The following GALNT6 variants were observed in gnomAD, a reference collection of about 807,000 sequenced individuals.
GALNT6 encodes the protein polypeptide N-acetylgalactosaminyltransferase 6, also known as GalNAc transferase 6.
In GALNT6, 51 loss-of-function variants were observed where a neutral mutation model predicts 65.9. The ratio of observed to expected loss-of-function variants is 0.77; its 90% CI spans 0.62 to 0.98. GALNT6 has a LOEUF of 0.98. GALNT6 is among the 50% of genes least tolerant of loss of function. The probability of loss-of-function intolerance (pLI) is 0.00; values close to 1 mark genes in which losing one functional copy is unlikely to be tolerated. For missense variants in GALNT6, 708 were observed against 803.3 expected (o/e 0.88, Z 1.43); for synonymous variants, 323 against 315.1 (o/e 1.02, Z -0.26).
intron 5 of GALNT6, 46 bp from the exon 6 acceptor site, chr12:51,364,401 C>T: frequency 7.3e-7 from 1 of 1,368,080 alleles, no homozygotes; most frequent in Non-Finnish European, 1.0e-6. Flanking sequence ...CTGCCCACAG[C>T]AGAGCCCAAG....
At position 51,358,176 on chromosome 12, in the gene GALNT6, T is replaced by C. The variant is rs1347487522; in HGVS notation, c.1454A>G (p.Tyr485Cys). ...CAGGTCAGGAACAAACATCTCTGGGTAGACATTGTGCAGGTACCAGGAAAA... is the reference window on the plus strand; with the variant it reads ...CAGGTCAGGAACAAACATCTCTGGGCAGACATTGTGCAGGTACCAGGAAAA... ...HNFSWYLHNVYPEMFVPDLTP... is the reference protein window; with the variant it reads ...HNFSWYLHNVCPEMFVPDLTP... The change falls in exon 9 of 12, where the codon TAC becomes TGC. Residue 485 changes from tyrosine to cysteine, a missense_variant. Transcript: ENST00000356317. The C allele has an allele frequency of 6.2e-7, 1 of 1,614,062 alleles. No individual in the cohort carries two copies.
intron 4 of GALNT6, among the ~76,000 whole-genome samples, chr12:51,376,006 G>A (rs1294510224): frequency 2.6e-5 from 4 of 151,982 alleles, no homozygotes; most frequent in Middle Eastern, 3.4e-3. Context: ...GACTACAAGC[G>A]CGCACCACCA....
At position 51,379,769 on chromosome 12, in the gene GALNT6, GGA is replaced by G. The variant is rs749778474; in HGVS notation, c.11_12del (p.Leu4ProfsTer25). ...AGGCGCAGGGGCATGTGGCGTCTGC[GGA>G]GGAGCCTCATCCTCCAGAACCAAGG... MRLLRRRHMPLRLA... is the reference protein window; with the variant it reads MRLXRRRHMPLRLA... On this transcript the variant is annotated frameshift_variant, in exon 3 of 12. Transcript: ENST00000356317. LOFTEE classifies it high-confidence loss of function. The G allele has an allele frequency of 6.2e-7, 1 of 1,606,108 alleles. No homozygotes were observed. Among genetic ancestry groups the G allele is most frequent in the Admixed American group, 1.7e-5 (1 of 59,778 alleles).
At chr12:51,367,340 C>G (rs1947141205) in intron 4 of GALNT6, among the ~76,000 whole-genome samples, 1 of 152,184 alleles carries the variant, frequency 6.6e-6, no homozygotes, top group South Asian at 2.1e-4. Context: ...GAGGCTGAGG[C>G]AGGAGAACTG....
At chr12:51,360,928 A>G in intron 6 of GALNT6, 90 bp from the exon 7 acceptor site, 5 of 736,290 alleles carry the variant, frequency 6.8e-6, no homozygotes, top group Non-Finnish European at 1.2e-5. Context: ...TCCCCTCCTA[A>G]CCCACCTCCC....
At chr12:51,362,405 G>A (rs373339709) in intron 6 of GALNT6, among the ~76,000 whole-genome samples, 2 of 152,296 alleles carry the variant, frequency 1.3e-5, no homozygotes, top group East Asian at 3.9e-4. Context: ...ATGGGAGGCC[G>A]GGAGGGGACT....
At chr12:51,363,918 G>A (rs1947005391) in intron 6 of GALNT6, among the ~76,000 whole-genome samples, 1 of 152,242 alleles carries the variant, frequency 6.6e-6, no homozygotes, top group African/African-American at 2.4e-5. Context: ...ACTGTTGCTA[G>A]CTGCATGATC....
intron 10 of GALNT6, among the ~76,000 whole-genome samples, chr12:51,356,166 GTGTGTATATATATA>G (rs1946738646): frequency 6.8e-6 from 1 of 147,628 alleles, no homozygotes; most frequent in Non-Finnish European, 1.5e-5. Context: ...ATATATGTGT[GTGTGTATATATATA>G]TGTGTGTATA....
chr12:51,380,614 A>G (rs1379183882), intron 2 of GALNT6, among the ~76,000 whole-genome samples: 2 of 152,256 alleles, frequency 1.3e-5, no homozygotes, highest in African/African-American at 4.8e-5. Context: ...AACATGGTGA[A>G]ACCCTGTCTC....
In GALNT6 at chr12:51,364,332, C is replaced by T; in HGVS notation, c.838G>A (p.Glu280Lys). ...AHCECFHGWL[E>K]PLLARIAEDK... ...TCAGCGATTCGAGCCAGGAGGGGCT[C>T]CAGCCAGCCGTGGAAGCACTCACCT... is the stretch of plus-strand genomic sequence containing the variant. Residue 280 changes from glutamate to lysine, a missense_variant, in exon 6 of 12, where the codon GAG becomes AAG. Glu to Lys is a moderately conservative substitution (Grantham distance 56, BLOSUM62 1). Transcript: ENST00000356317. 1 of 1,614,112 alleles carries T rather than the reference C, an allele frequency of 6.2e-7. No individual in the cohort carries two copies. Among genetic ancestry groups the T allele is most frequent in the African/African-American group, 1.3e-5 (1 of 75,044 alleles).
intron 4 of GALNT6, among the ~76,000 whole-genome samples, chr12:51,375,560 CT>C (rs57034265): frequency 0.17 from 23,534 of 142,396 alleles, 2,180 homozygotes; most frequent in African/African-American, 0.3. Context: ...CTCAACTGCT[CT>C]TTTTTTTTTT....
intron 3 of GALNT6, 59 bp from the exon 4 acceptor site, chr12:51,377,426 G>A: frequency 6.7e-7 from 1 of 1,493,938 alleles, no homozygotes; most frequent in Non-Finnish European, 9.2e-7. Flanking sequence ...CAGGTGTGGG[G>A]AGGGCCCCAT....
chr12:51,368,381 C>CT (rs1234453347), intron 4 of GALNT6, among the ~76,000 whole-genome samples: 25 of 137,868 alleles, frequency 1.8e-4, no homozygotes, highest in African/African-American at 2.9e-4. Context: ...CTTTTTCCTT[C>CT]TTTTTTTTTC....
chr12:51,383,619 C>G (rs1387459758), intron 2 of GALNT6: 2 of 152,180 alleles, frequency 1.3e-5, no homozygotes, highest in African/African-American at 4.8e-5. Flanking sequence ...TGAGCTCTTC[C>G]TAGGCATCTA....
rs1409813266 is a variant in GALNT6, at chr12:51,377,323, G to T, written c.536C>A (p.Thr179Asn). Reference protein sequence around the residue: ...KFRRCPPLATTSVIIVFHNEA... With the variant: ...KFRRCPPLATNSVIIVFHNEA... ...GTTGTGGAACACAATGATCACGCTG[G>T]TGGTGGCCAGTGGGGGGCAGCGCCG... is the stretch of plus-strand genomic sequence containing the variant. Residue 179 changes from threonine to asparagine, a missense_variant, in exon 4 of 12, where the codon ACC becomes AAC. Coordinates refer to ENST00000356317, the MANE Select transcript of GALNT6 (RefSeq NM_007210.4). 2 of 1,612,918 alleles carry T rather than the reference G, an allele frequency of 1.2e-6. No homozygotes were observed. Among genetic ancestry groups the T allele is most frequent in the Non-Finnish European group, 8.5e-7 (1 of 1,180,000 alleles).
Position 51,365,568 on chromosome 12 carries a change from C to T in GALNT6, c.676G>A (p.Glu226Lys), listed in dbSNP as rs556743875. The T allele has an allele frequency of 1.2e-6, 2 of 1,613,758 alleles. No homozygotes were observed. Among genetic ancestry groups the T allele is most frequent in the South Asian group, 2.2e-5 (2 of 91,062 alleles). ...TGCTTCACGTACTGCTCCAGCTTCTCCTTTAGGTGCTCTGGAAGGGACAGT... is the reference window on the plus strand; with the variant it reads ...TGCTTCACGTACTGCTCCAGCTTCTTCTTTAGGTGCTCTGGAAGGGACAGT... ...DDASTEEHLK[E>K]KLEQYVKQLQ... Residue 226 changes from glutamate (E) to lysine (K), a missense_variant, in exon 5 of 12, where the codon GAG becomes AAG. Physicochemically the swap from Glu to Lys is moderately conservative, Grantham distance 56. Transcript: ENST00000356317.
intron 9 of GALNT6, among the ~76,000 whole-genome samples, chr12:51,357,919 A>C (rs1946800780): frequency 6.6e-6 from 1 of 152,188 alleles, no homozygotes; most frequent in South Asian, 2.1e-4. Context: ...CTAATGTTTC[A>C]GGACCACTGC....
intron 9 of GALNT6, 42 bp downstream of exon 9, chr12:51,358,088 G>A (rs1013201503): frequency 3.1e-6 from 5 of 1,593,082 alleles, no homozygotes; most frequent in Non-Finnish European, 4.3e-6. Context: ...TCTCCAAGGG[G>A]TGCTGTGGTG....
chr12:51,357,543 C>T, intron 9 of GALNT6, 93 bp from the exon 10 acceptor site: 1 of 769,796 alleles, frequency 1.3e-6, no homozygotes. Context: ...AAATTCCAGT[C>T]AACTGCAACA....
Sources: gnomAD v4.1 joint callset for allele counts (sites outside exome capture counted in the v4.1 genomes callset) on GRCh38, gnomAD v4.1.1 for gene constraint, MANE v1.5 for transcripts, NCBI Gene and HGNC (gene_info 2026-07-23, HGNC 2026-07-21) for gene names.